The following KCNH7 variants were observed in gnomAD, a reference collection of about 807,000 sequenced individuals.
KCNH7 encodes potassium voltage-gated channel subfamily H member 7, also known as voltage-gated inwardly rectifying potassium channel KCNH7.
KCNH7 carries 49 observed loss-of-function variants against 120.8 expected under a neutral mutation model. That is an observed-to-expected ratio of 0.41 (90% CI 0.32 to 0.51). The LOEUF (loss-of-function observed/expected upper bound fraction) is 0.51. Among genes scored for constraint, KCNH7 ranks in the 20% least tolerant of loss-of-function variants. KCNH7 has a pLI of 0.38. For missense variants in KCNH7, 1,097 were observed against 1,446.6 expected, an observed-to-expected ratio of 0.76 and a Z score of 3.92; for synonymous variants, 547 against 516.1, an observed-to-expected ratio of 1.06 and a Z score of -0.81.
chr2:162,671,711 C>T (rs1008320872), intron 2 of KCNH7, among the ~76,000 whole-genome samples: 7 of 151,208 alleles, frequency 4.6e-5, no homozygotes, highest in Admixed American at 2.0e-4. Context: ...AACTGTAGCT[C>T]CTAAATCTAT....
At chr2:162,708,290 G>T (rs1686790474) in intron 2 of KCNH7, among the ~76,000 whole-genome samples, 2 of 151,990 alleles carry the variant, frequency 1.3e-5, no homozygotes, top group Admixed American at 1.3e-4. Context: ...CTAGATTATT[G>T]TTAGGGCCCA....
intron 2 of KCNH7, among the ~76,000 whole-genome samples, chr2:162,716,764 T>C (rs1334324537): frequency 6.6e-6 from 1 of 152,160 alleles, no homozygotes; most frequent in African/African-American, 2.4e-5. Context: ...TGATTCAAAC[T>C]GTGGCCATAA....
At chr2:162,763,596 G>T (rs1345327718) in intron 2 of KCNH7, among the ~76,000 whole-genome samples, 1 of 151,972 alleles carries the variant, frequency 6.6e-6, no homozygotes, top group East Asian at 1.9e-4. Flanking sequence ...CAACCAAATT[G>T]CAGGGAGAGA....
chr2:162,447,028 C>A (rs145990400), intron 6 of KCNH7, among the ~76,000 whole-genome samples: 5 of 152,076 alleles, frequency 3.3e-5, no homozygotes, highest in African/African-American at 1.2e-4. Context: ...ACAAAAGAGG[C>A]TTTTCCTTAA....
At chr2:162,504,868 G>A (rs566345341) in intron 5 of KCNH7, among the ~76,000 whole-genome samples, 1 of 152,072 alleles carries the variant, frequency 6.6e-6, no homozygotes, top group South Asian at 2.1e-4. Context: ...TGGGTTCTAA[G>A]TGTGTACCCA....
intron 2 of KCNH7, among the ~76,000 whole-genome samples, chr2:162,689,178 G>A (rs918169838): frequency 5.7e-5 from 8 of 139,632 alleles, no homozygotes; most frequent in Admixed American, 2.1e-4. Context: ...TTGAGATGGA[G>A]TTTCACTCTT....
intron 10 of KCNH7, 21 bp from the exon 11 acceptor site, chr2:162,396,966 A>G (rs1482939041): frequency 6.5e-7 from 1 of 1,532,888 alleles, no homozygotes; most frequent in Admixed American, 1.7e-5. Context: ...ATAAAGAAAA[A>G]GAGGCGGGGA....
At chr2:162,692,443 C>T (rs901560377) in intron 2 of KCNH7, among the ~76,000 whole-genome samples, 1 of 152,116 alleles carries the variant, frequency 6.6e-6, no homozygotes, top group Non-Finnish European at 1.5e-5. Context: ...CACTCATACA[C>T]ACCACACACA....
At chr2:162,746,525 C>G (rs1047623369) in intron 2 of KCNH7, among the ~76,000 whole-genome samples, 1 of 152,088 alleles carries the variant, frequency 6.6e-6, no homozygotes, top group Non-Finnish European at 1.5e-5. Context: ...TCATCTCACA[C>G]TGCCAGACTT....
chr2:162,482,236 T>C (rs1242707508), intron 6 of KCNH7, among the ~76,000 whole-genome samples: 2 of 152,190 alleles, frequency 1.3e-5, no homozygotes, highest in African/African-American at 4.8e-5. Context: ...GAGAAGAGGA[T>C]GGCAATAGGT....
intron 2 of KCNH7, among the ~76,000 whole-genome samples, chr2:162,779,452 G>A (rs1219194170): frequency 2.0e-5 from 3 of 152,066 alleles, no homozygotes; most frequent in East Asian, 1.9e-4. Flanking sequence ...ACCTGCCTCA[G>A]CCTCCCAAAG....
intron 2 of KCNH7, among the ~76,000 whole-genome samples, chr2:162,730,709 T>G (rs1316706371): frequency 6.6e-6 from 1 of 152,156 alleles, no homozygotes; most frequent in East Asian, 1.9e-4. Context: ...AGAAACTCAC[T>G]GATTCACCTA....
At chr2:162,539,865 C>T (rs1372862750) in intron 2 of KCNH7, among the ~76,000 whole-genome samples, 1 of 151,996 alleles carries the variant, frequency 6.6e-6, no homozygotes, top group Non-Finnish European at 1.5e-5. Flanking sequence ...AAAGGAGATA[C>T]ATGGAATTTA....
chr2:162,774,176 T>C lies in KCNH7; in HGVS notation c.307+62361A>G, dbSNP rs189371779. Reference sequence around the variant, plus strand: ...GAAACTTTCTACACTTATGTCAATGTCCTTATTATAAATTATTATTTAAAA... The same window carrying C: ...GAAACTTTCTACACTTATGTCAATGCCCTTATTATAAATTATTATTTAAAA... On this transcript the variant is annotated intron_variant, in intron 2 of 15. Coordinates refer to ENST00000332142, the MANE Select transcript of KCNH7 (RefSeq NM_033272.4). Among the ~76,000 whole-genome samples the C allele has an allele frequency of 2.7e-3, 415 of 152,238 alleles. 1 individual carries two copies. The highest frequency in any genetic ancestry group is 9.5e-3 in the African/African-American group (393 of 41,552).
intron 2 of KCNH7, among the ~76,000 whole-genome samples, chr2:162,618,405 T>G (rs990191550): frequency 6.6e-6 from 1 of 152,082 alleles, no homozygotes; most frequent in South Asian, 2.1e-4. Flanking sequence ...AATGAGCTAA[T>G]TATTAGAAAA....
chr2:162,709,334 G>A (rs978476619), intron 2 of KCNH7, among the ~76,000 whole-genome samples: 1 of 152,074 alleles, frequency 6.6e-6, no homozygotes, highest in Non-Finnish European at 1.5e-5. Context: ...GTGAAGTGCT[G>A]AGAATCTCTA....
chr2:162,723,823 A>C (rs1022530919), intron 2 of KCNH7, among the ~76,000 whole-genome samples: 4 of 152,194 alleles, frequency 2.6e-5, no homozygotes, highest in African/African-American at 4.8e-5. Flanking sequence ...CAGTATATAA[A>C]AGCACATTAA....
chr2:162,825,128 G>A (rs964474970), intron 2 of KCNH7, among the ~76,000 whole-genome samples: 1 of 151,872 alleles, frequency 6.6e-6, no homozygotes, highest in Non-Finnish European at 1.5e-5. Context: ...CTGAATCTGA[G>A]GTTTGGAAAA....
rs1263237631 is a variant in KCNH7, at chr2:162,396,935, A to G, written c.2418T>C (p.Asp806=). 1.2e-6 allele frequency: 2 copies of G among 1,604,066 alleles called. No individual in the cohort carries two copies. Among genetic ancestry groups the G allele is most frequent in the Non-Finnish European group, 1.7e-6 (2 of 1,173,064 alleles). The change falls in exon 11 of 16, where the codon GAT becomes GAC. Residue 806 remains aspartate (D), a synonymous_variant. Coordinates refer to ENST00000332142, the MANE Select transcript of KCNH7 (RefSeq NM_033272.4). The part of the protein sequence containing the change: ...DIVVAILGKN[D]IFGEMVHLYA... ...AAAGATGAACCATTTCTCCAAATAT[A>G]TCATTTTTTCCTAAGAAAATATAAA...
Sources: allele counts gnomAD v4.1 joint callset (sites outside exome capture counted in the v4.1 genomes callset), GRCh38; gene constraint gnomAD v4.1.1; transcripts MANE v1.5; gene names NCBI Gene and HGNC (gene_info 2026-07-23, HGNC 2026-07-21).